CCDC178: variants seen among roughly 807,000 people sequenced by gnomAD.
The protein encoded by CCDC178 is coiled-coil domain-containing protein 178.
A neutral mutation model predicts 117.4 loss-of-function variants in CCDC178; 126 were observed. That is an observed-to-expected ratio of 1.07 (90% CI 0.93 to 1.24). CCDC178 has a LOEUF of 1.24. Among genes scored for constraint, CCDC178 ranks in the 50% most tolerant of loss-of-function variants. The pLI, the probability that CCDC178 is intolerant of heterozygous loss-of-function variation, is 0.00. For missense variants in CCDC178, 1,030 were observed against 986.9 expected (o/e 1.04, Z -0.59); for synonymous variants, 283 against 313.4 (o/e 0.90, Z 1.02).
chr18:33,132,210 G>A lies in CCDC178; in HGVS notation c.2239-39300C>T, dbSNP rs551908587. On this transcript the variant is annotated intron_variant, in intron 20 of 22. Transcript: ENST00000383096. The stretch of plus-strand genomic sequence containing the variant: ...CTGTGATAAATAAGTTGTTTTCTGT[G>A]GAAATATCTCCAGGAAGACAAATGA... Among the ~76,000 whole-genome samples the A allele has an allele frequency of 2.6e-5, 4 of 151,524 alleles. No homozygotes were observed. In the East Asian group the frequency reaches 7.8e-4, roughly 29 times the overall value.
At chr18:33,186,871 G>T (rs2058800778) in intron 20 of CCDC178, among the ~76,000 whole-genome samples, 1 of 152,056 alleles carries the variant, frequency 6.6e-6, no homozygotes, top group Admixed American at 6.6e-5. Flanking sequence ...ACTTTTAGAA[G>T]ACCTTTGCAG....
intron 20 of CCDC178, among the ~76,000 whole-genome samples, chr18:33,185,656 A>C (rs987729499): frequency 1.3e-5 from 2 of 152,066 alleles, no homozygotes; most frequent in African/African-American, 4.8e-5. Flanking sequence ...AGACACATCA[A>C]AAATTTTTCT....
chr18:33,266,144 A>G (rs2059810953), intron 14 of CCDC178, among the ~76,000 whole-genome samples: 1 of 152,044 alleles, frequency 6.6e-6, no homozygotes, highest in Admixed American at 6.6e-5. Context: ...GGTCAACTGT[A>G]GTCTGAAAAG....
At chr18:33,294,438 T>C (rs370431396) in intron 11 of CCDC178, among the ~76,000 whole-genome samples, 32 of 152,162 alleles carry the variant, frequency 2.1e-4, no homozygotes, top group South Asian at 8.3e-4. Flanking sequence ...AATAGAAAAA[T>C]TGTTCAATAG....
At chr18:32,986,460 C>A (rs1322550979) in intron 21 of CCDC178, among the ~76,000 whole-genome samples, 1 of 151,994 alleles carries the variant, frequency 6.6e-6, no homozygotes, top group Non-Finnish European at 1.5e-5. Flanking sequence ...CTATTAACTT[C>A]TAGTCAACTG....
chr18:33,131,337 C>A (rs1475621918), intron 20 of CCDC178, among the ~76,000 whole-genome samples: 1 of 151,428 alleles, frequency 6.6e-6, no homozygotes, highest in Non-Finnish European at 1.5e-5. Flanking sequence ...GAAAAAGTTC[C>A]ATTTTAAAAT....
At chr18:33,003,547 G>A (rs145204267) in intron 21 of CCDC178, among the ~76,000 whole-genome samples, 12 of 152,068 alleles carry the variant, frequency 7.9e-5, no homozygotes, top group African/African-American at 2.4e-4. Context: ...AATATAATAA[G>A]AGCCATATGC....
chr18:33,107,345 T>C (rs866028663), intron 20 of CCDC178, among the ~76,000 whole-genome samples: 2 of 151,692 alleles, frequency 1.3e-5, no homozygotes, highest in South Asian at 4.1e-4. Context: ...CATTTATTCA[T>C]TTATTTTGCA....
intron 3 of CCDC178, among the ~76,000 whole-genome samples, chr18:33,399,481 T>C (rs1385993244): frequency 2.0e-5 from 3 of 152,246 alleles, no homozygotes; most frequent in African/African-American, 7.2e-5. Flanking sequence ...TCAAACCCTG[T>C]TGTTAATTTG....
chr18:33,214,659 C>G (rs1481116701), intron 19 of CCDC178, among the ~76,000 whole-genome samples: 1 of 151,934 alleles, frequency 6.6e-6, no homozygotes, highest in African/African-American at 2.4e-5. Flanking sequence ...CCTGCTTTTT[C>G]ACATAATATA....
chr18:33,209,802 A>G (rs184005912), intron 20 of CCDC178, among the ~76,000 whole-genome samples: 225 of 152,248 alleles, frequency 1.5e-3, no homozygotes, highest in African/African-American at 5.0e-3. Flanking sequence ...ATTTAAGGTT[A>G]TCTGACAAGC....
chr18:33,322,608 T>C (rs1241572940), intron 11 of CCDC178, among the ~76,000 whole-genome samples: 1 of 151,742 alleles, frequency 6.6e-6, no homozygotes, highest in East Asian at 1.9e-4. Context: ...AAAATACATA[T>C]TTCTTAATAA....
In CCDC178 at chr18:33,224,744, A is replaced by G. The variant is rs768165219; in HGVS notation, c.1818+31T>C. 6.0e-6 allele frequency: 8 copies of G among 1,341,266 alleles called. No individual in the cohort carries two copies. In the South Asian group the frequency reaches 1.1e-4, roughly 19 times the overall value. 83.1% of individuals were successfully genotyped at this position (1,341,266 alleles called of 1,614,324 possible). ...AACTTACTAACGTATATATTTCTGC[A>G]CATTAATTTTTGGATTAATTAAATG... On this transcript the variant is annotated intron_variant, in intron 17 of 22. Transcript: ENST00000383096.
chr18:33,401,309 C>T (rs1406144981), intron 3 of CCDC178, among the ~76,000 whole-genome samples: 1 of 152,000 alleles, frequency 6.6e-6, no homozygotes. Flanking sequence ...TTGCCACAAA[C>T]CTCAAATTAA....
At chr18:33,160,242 T>A (rs772579796) in intron 20 of CCDC178, among the ~76,000 whole-genome samples, 1 of 152,168 alleles carries the variant, frequency 6.6e-6, no homozygotes, top group African/African-American at 2.4e-5. Context: ...ATTATTCATC[T>A]TCTACGACAG....
intron 2 of CCDC178, among the ~76,000 whole-genome samples, chr18:33,414,093 T>A (rs1363179163): frequency 6.6e-6 from 1 of 152,130 alleles, no homozygotes; most frequent in Non-Finnish European, 1.5e-5. Flanking sequence ...AATTACCAGA[T>A]AATATATCAC....
At chr18:33,185,299 A>C (rs1357394414) in intron 20 of CCDC178, among the ~76,000 whole-genome samples, 1 of 152,092 alleles carries the variant, frequency 6.6e-6, no homozygotes, top group Non-Finnish European at 1.5e-5. Context: ...GCAGTGTGGC[A>C]GGGAAAGTCT....
At chr18:33,032,860 A>G (rs1210695831) in intron 21 of CCDC178, among the ~76,000 whole-genome samples, 2 of 152,090 alleles carry the variant, frequency 1.3e-5, no homozygotes, top group Non-Finnish European at 2.9e-5. Context: ...AGGAAATCTG[A>G]CACCCTTAAT....
chr18:33,416,664 G>T (rs1442487715), intron 2 of CCDC178, among the ~76,000 whole-genome samples: 2 of 151,980 alleles, frequency 1.3e-5, no homozygotes, highest in Non-Finnish European at 2.9e-5. Context: ...GGGGAGCCTG[G>T]ACTTCCACCC....
Sources: gnomAD v4.1 joint callset for allele counts (sites outside exome capture counted in the v4.1 genomes callset) on GRCh38, gnomAD v4.1.1 for gene constraint, MANE v1.5 for transcripts, NCBI Gene and HGNC (gene_info 2026-07-23, HGNC 2026-07-21) for gene names.